The following KPRP variants were observed in gnomAD, a reference collection of about 807,000 sequenced individuals.
KPRP encodes keratinocyte proline-rich protein.
For missense variants in KPRP, 820 were observed against 746.4 expected (o/e 1.10, Z -1.15); for synonymous variants, 282 against 276.9 (o/e 1.02, Z -0.18).
chr1:152,759,925 T>G, exon 1 of KPRP: 1 of 1,614,200 alleles, frequency 6.2e-7, no homozygotes, highest in Non-Finnish European at 8.5e-7. Flanking sequence ...CCAGGCTCCA[T>G]GCCAATCTGA....
exon 1 of KPRP, chr1:152,761,161 A>G (rs1350558783): frequency 1.2e-6 from 2 of 1,614,196 alleles, no homozygotes; most frequent in Middle Eastern, 1.6e-4. Flanking sequence ...CCGCCTAGAC[A>G]CCGAAGCTCC....
chr1:152,758,986 G>A (rs1416592822), upstream of KPRP, among the ~76,000 whole-genome samples: 3 of 152,210 alleles, frequency 2.0e-5, no homozygotes, highest in Admixed American at 6.5e-5. Flanking sequence ...ATGTTTAAAT[G>A]AATTTATCTA....
exon 1 of KPRP, chr1:152,760,920 G>A (rs868684069): frequency 9.3e-6 from 15 of 1,613,526 alleles, no homozygotes; most frequent in South Asian, 4.4e-5. Flanking sequence ...GTCCAACACC[G>A]CGGCCAGTTC....
At position 152,760,900 on chromosome 1, in the gene KPRP, C is replaced by G. The variant is rs76337351; in HGVS notation, c.1312C>G (p.Pro438Ala). ...ACCTTGTTTGTATCCAGAACCACTT[C>G]CAGCACTACGTCCAACACCGCGGCC... is the stretch of plus-strand genomic sequence containing the variant. The change falls in exon 1 of 1, where the codon CCA becomes GCA. Residue 438 changes from proline to alanine, a missense_variant. Transcript: ENST00000606109. 5,562 of 1,614,144 alleles carry G rather than the reference C, an allele frequency of 3.4e-3. 149 individuals carry two copies. The Admixed American group carries it at 0.056, about 16-fold the overall frequency.
At chr1:152,761,474 T>TTTA in exon 1 of KPRP, 1 of 1,415,006 alleles carries the variant, frequency 7.1e-7, no homozygotes. Context: ...CTCCTTTGCC[T>TTTA]ATCATCCAAA....
At chr1:152,758,908 A>G (rs974009591), upstream of KPRP, among the ~76,000 whole-genome samples, 3 of 152,242 alleles carry the variant, frequency 2.0e-5, no homozygotes, top group African/African-American at 7.2e-5. Context: ...TGCACGTGTC[A>G]TGTTTAAATG....
exon 1 of KPRP, chr1:152,761,498 G>A: frequency 7.7e-7 from 1 of 1,298,166 alleles, no homozygotes; most frequent in Non-Finnish European, 1.0e-6. Context: ...CCACACCTGG[G>A]TCTCAGATGC....
chr1:152,760,502 A>G (rs1259081237), exon 1 of KPRP: 4 of 1,613,382 alleles, frequency 2.5e-6, no homozygotes, highest in South Asian at 1.1e-5. Context: ...GAACCCATAT[A>G]TAACAGTCGC....
At chr1:152,758,555 G>A (rs1651012443), upstream of KPRP, among the ~76,000 whole-genome samples, 1 of 152,174 alleles carries the variant, frequency 6.6e-6, no homozygotes, top group Non-Finnish European at 1.5e-5. Context: ...ACATAAACAC[G>A]TGCATCTGAC....
chr1:152,759,783 C>T (rs750621584), exon 1 of KPRP: 2 of 1,614,050 alleles, frequency 1.2e-6, no homozygotes, highest in Non-Finnish European at 1.7e-6. Context: ...AGGCTCCATG[C>T]CAGTCTCAGA....
chr1:152,761,124 C>A, exon 1 of KPRP: 1 of 1,614,190 alleles, frequency 6.2e-7, no homozygotes, highest in Non-Finnish European at 8.5e-7. Flanking sequence ...ACCCAGGAGA[C>A]CTAGGCTGTC....
chr1:152,760,107 G>A, exon 1 of KPRP: 1 of 1,614,154 alleles, frequency 6.2e-7, no homozygotes, highest in Non-Finnish European at 8.5e-7. Context: ...CAGTGTGCCA[G>A]CCTCAGGGAA....
At chr1:152,759,011 A>G (rs1651024011), upstream of KPRP, among the ~76,000 whole-genome samples, 1 of 152,270 alleles carries the variant, frequency 6.6e-6, no homozygotes, top group African/African-American at 2.4e-5. Context: ...CATTGAATAT[A>G]GAGAAACAAA....
At position 152,760,864 on chromosome 1, in the gene KPRP, C is replaced by T; in HGVS notation, c.1276C>T (p.Gln426Ter). Residue 426 changes from glutamine (Q) to a stop codon, truncating the protein, a stop_gained, in exon 1 of 1, where the codon CAA becomes TAA. Transcript: ENST00000606109. LOFTEE classifies it low-confidence loss of function (END_TRUNC). ...ACCACGCCCGCGTCCTCTACCACGA[C>T]AACTTTCAGAACCTTGTTTGTATCC... is the stretch of plus-strand genomic sequence containing the variant. 1.9e-6 allele frequency: 3 copies of T among 1,614,218 alleles called. No individual in the cohort carries two copies. The highest frequency in any genetic ancestry group is 2.5e-6 in the Non-Finnish European group (3 of 1,180,040).
rs751856591 is a variant in KPRP at position 152,760,826 on chromosome 1, G to T, written c.1238G>T (p.Cys413Phe). The change falls in exon 1 of 1, where the codon TGC becomes TTC. Residue 413 changes from cysteine to phenylalanine, a missense_variant. Coordinates refer to ENST00000606109, the Ensembl canonical transcript of KPRP. ...CGTCCACGTCTGCGCCCAGAACCATGCATAAGTCTAGAACCACGCCCGCGT... is the reference window on the plus strand; with the variant it reads ...CGTCCACGTCTGCGCCCAGAACCATTCATAAGTCTAGAACCACGCCCGCGT... 1.1e-5 allele frequency: 18 copies of T among 1,614,120 alleles called. No homozygotes were observed. The highest frequency in any genetic ancestry group is 1.7e-6 in the Non-Finnish European group (2 of 1,180,000).
At chr1:152,761,503 A>T in exon 1 of KPRP, 1 of 1,259,112 alleles carries the variant, frequency 7.9e-7, no homozygotes, top group Non-Finnish European at 1.1e-6. Context: ...CCTGGGTCTC[A>T]GATGCCTCTC....
exon 1 of KPRP, chr1:152,761,586 C>G (rs1219603431): frequency 2.1e-6 from 1 of 467,424 alleles, no homozygotes. Context: ...CTGGGCACAG[C>G]TTGGGTGTTC....
At chr1:152,760,848 G>T (rs1231545912) in exon 1 of KPRP, 2 of 1,613,974 alleles carry the variant, frequency 1.2e-6, no homozygotes, top group Non-Finnish European at 1.7e-6. Flanking sequence ...AACCACGCCC[G>T]CGTCCTCTAC....
upstream of KPRP, among the ~76,000 whole-genome samples, chr1:152,758,340 A>G (rs1302851815): frequency 6.6e-6 from 1 of 152,228 alleles, no homozygotes; most frequent in Non-Finnish European, 1.5e-5. Flanking sequence ...TGGAAAAGCC[A>G]CATTAGCAAT....
Sources: gnomAD v4.1 joint callset for allele counts (sites outside exome capture counted in the v4.1 genomes callset) on GRCh38, gnomAD v4.1.1 for gene constraint, MANE v1.5 for transcripts, NCBI Gene and HGNC (gene_info 2026-07-23, HGNC 2026-07-21) for gene names.